TNR: variants seen among roughly 807,000 people sequenced by gnomAD.
TNR encodes the protein tenascin R.
Under a neutral mutation model 150.4 loss-of-function variants are expected in TNR, and 45 were observed. The observed-to-expected ratio is 0.30, with a 90% CI of 0.24 to 0.38. The LOEUF (loss-of-function observed/expected upper bound fraction) is 0.38, where lower values mean the gene tolerates loss of function less well. Ranked by LOEUF, TNR falls within the 10% of genes least tolerant of loss-of-function variation. The pLI, the probability that TNR is intolerant of heterozygous loss-of-function variation, is 1.00. For missense variants in TNR, 1,544 were observed against 1,759.1 expected (o/e 0.88, Z 2.19); for synonymous variants, 687 against 678.4 (o/e 1.01, Z -0.20).
chr1:175,638,975 T>G (rs1664569079), intron 1 of TNR, among the ~76,000 whole-genome samples: 1 of 152,204 alleles, frequency 6.6e-6, no homozygotes, highest in Non-Finnish European at 1.5e-5. Flanking sequence ...TCTCTCTTTC[T>G]GTCAACATCC....
intron 1 of TNR, among the ~76,000 whole-genome samples, chr1:175,698,618 A>C (rs1413171950): frequency 6.6e-6 from 1 of 152,072 alleles, no homozygotes; most frequent in Non-Finnish European, 1.5e-5. Flanking sequence ...AGGCGGGTGG[A>C]TGGCCTGAGG....
chr1:175,605,599 C>T (rs1011762254), intron 1 of TNR, among the ~76,000 whole-genome samples: 5 of 152,214 alleles, frequency 3.3e-5, no homozygotes, highest in Admixed American at 3.3e-4. Flanking sequence ...ATGAAGGAAG[C>T]ACAGGTAGGG....
intron 1 of TNR, among the ~76,000 whole-genome samples, chr1:175,609,890 AGACAGTTTGAGGGATTGTTCCAG>A (rs1421157932): frequency 6.6e-6 from 1 of 152,208 alleles, no homozygotes. Flanking sequence ...CACTCAACTG[AGACAGTTTGAGGGATTGTTCCAG>A]GACACAAATA....
At chr1:175,567,201 G>A (rs1415088183) in intron 1 of TNR, among the ~76,000 whole-genome samples, 2 of 152,050 alleles carry the variant, frequency 1.3e-5, no homozygotes, top group Non-Finnish European at 2.9e-5. Flanking sequence ...AATTTTGTTT[G>A]GAACAATATT....
At chr1:175,604,244 G>A (rs1014270781) in intron 1 of TNR, among the ~76,000 whole-genome samples, 1 of 152,158 alleles carries the variant, frequency 6.6e-6, no homozygotes, top group Non-Finnish European at 1.5e-5. Context: ...CAGCCCAGCG[G>A]AGATGGATGG....
chr1:175,331,090 T>TTTCC (rs1491445864), intron 20 of TNR, among the ~76,000 whole-genome samples: 3 of 117,556 alleles, frequency 2.6e-5, no homozygotes, highest in Admixed American at 8.4e-5. Flanking sequence ...TCTTTCTTTC[T>TTTCC]TTCTTTCTTT....
intron 2 of TNR, among the ~76,000 whole-genome samples, chr1:175,474,020 C>A (rs980239090): frequency 2.6e-5 from 4 of 152,112 alleles, no homozygotes; most frequent in East Asian, 1.9e-4. Context: ...TACACACACA[C>A]AAATTCTCCA....
intron 21 of TNR, among the ~76,000 whole-genome samples, chr1:175,328,401 G>A (rs1571292658): frequency 6.6e-6 from 1 of 152,212 alleles, no homozygotes; most frequent in Non-Finnish European, 1.5e-5. Flanking sequence ...TGGATCGGAG[G>A]CCCTGGAGAT....
intron 2 of TNR, among the ~76,000 whole-genome samples, chr1:175,488,231 G>C (rs899456730): frequency 6.6e-6 from 1 of 152,224 alleles, no homozygotes; most frequent in Non-Finnish European, 1.5e-5. Flanking sequence ...TGGGAATGGT[G>C]CTGGGAGATG....
At chr1:175,731,336 T>C (rs948935554) in intron 1 of TNR, among the ~76,000 whole-genome samples, 4 of 152,248 alleles carry the variant, frequency 2.6e-5, no homozygotes, top group African/African-American at 7.2e-5. Context: ...ACTGAAACTC[T>C]ATAGTAATTC....
At chr1:175,622,311 T>C (rs570272162) in intron 1 of TNR, among the ~76,000 whole-genome samples, 2 of 152,336 alleles carry the variant, frequency 1.3e-5, no homozygotes, top group African/African-American at 2.4e-5. Flanking sequence ...TGCAGGTACA[T>C]GGCAGAGCTG....
At chr1:175,740,816 C>T (rs1453113307) in intron 1 of TNR, among the ~76,000 whole-genome samples, 1 of 152,166 alleles carries the variant, frequency 6.6e-6, no homozygotes, top group Non-Finnish European at 1.5e-5. Flanking sequence ...TGAAGGTGGT[C>T]CCAGAAAAAC....
At chr1:175,468,752 C>T (rs1030622938) in intron 2 of TNR, among the ~76,000 whole-genome samples, 2 of 152,180 alleles carry the variant, frequency 1.3e-5, no homozygotes, top group Non-Finnish European at 2.9e-5. Flanking sequence ...CCCGCAGGTG[C>T]TTCAGTGTGG....
intron 1 of TNR, among the ~76,000 whole-genome samples, chr1:175,535,300 C>A (rs533384095): frequency 6.6e-6 from 1 of 152,320 alleles, no homozygotes; most frequent in South Asian, 2.1e-4. Flanking sequence ...AGATTCAGTG[C>A]ATGAAAAATA....
At chr1:175,504,199 G>A (rs912468879) in intron 2 of TNR, among the ~76,000 whole-genome samples, 1 of 152,092 alleles carries the variant, frequency 6.6e-6, no homozygotes, top group Admixed American at 6.5e-5. Flanking sequence ...TCATATTACC[G>A]TGATTCCAGC....
At chr1:175,648,190 G>A (rs1194817895) in intron 1 of TNR, among the ~76,000 whole-genome samples, 6 of 152,158 alleles carry the variant, frequency 3.9e-5, no homozygotes, top group East Asian at 1.9e-4. Context: ...CGTCCCTAAC[G>A]AGACTGTGAG....
chr1:175,364,194 C>A (rs767463514), intron 12 of TNR, among the ~76,000 whole-genome samples: 69 of 152,240 alleles, frequency 4.5e-4, no homozygotes, highest in Admixed American at 1.4e-3. Context: ...CAAATTTTGC[C>A]TGTATCTCTT....
chr1:175,718,624 A>G (rs982129884), intron 1 of TNR, among the ~76,000 whole-genome samples: 1 of 152,198 alleles, frequency 6.6e-6, no homozygotes, highest in African/African-American at 2.4e-5. Context: ...TGGGTCTGGT[A>G]ATATTCTCAT....
intron 1 of TNR, among the ~76,000 whole-genome samples, chr1:175,584,757 C>T (rs113945537): frequency 2.6e-5 from 4 of 152,104 alleles, no homozygotes; most frequent in Non-Finnish European, 4.4e-5. Context: ...ATAATAATAA[C>T]AGGAAGTTCT....
Sources: allele counts gnomAD v4.1 joint callset (sites outside exome capture counted in the v4.1 genomes callset), GRCh38; gene constraint gnomAD v4.1.1; transcripts MANE v1.5; gene names NCBI Gene and HGNC (gene_info 2026-07-23, HGNC 2026-07-21).